Variants in CNTNAP3 observed in about 807,000 individuals in gnomAD.
CNTNAP3 encodes the protein contactin associated protein family member 3, also known as contactin-associated protein-like 3.
A neutral mutation model predicts 92.1 loss-of-function variants in CNTNAP3; 36 were observed. That is an observed-to-expected ratio of 0.39 (90% CI 0.30 to 0.52). The LOEUF (loss-of-function observed/expected upper bound fraction) is 0.52, where lower values mean the gene tolerates loss of function less well. Ranked by LOEUF, CNTNAP3 falls within the 20% of genes least tolerant of loss-of-function variation. The pLI is 0.76. For synonymous variants in CNTNAP3, 232 were observed against 422.3 expected (o/e 0.55, Z 5.53); for missense variants, 534 against 1,069.6 (o/e 0.50, Z 6.98).
At chr9:39,122,211 C>G (rs938989421) in intron 13 of CNTNAP3, among the ~76,000 whole-genome samples, 1 of 152,134 alleles carries the variant, frequency 6.6e-6, no homozygotes, top group Non-Finnish European at 1.5e-5. Flanking sequence ...AAAAATTAGC[C>G]GGGCGTGGTG....
intron 20 of CNTNAP3, 97 bp from the exon 21 acceptor site, chr9:39,085,920 T>A (rs951502756): frequency 1.8e-6 from 2 of 1,134,526 alleles, no homozygotes; most frequent in Non-Finnish European, 2.6e-6. Context: ...TGAAAATAAA[T>A]CACTTTTAAG....
rs1825475195 is a variant in CNTNAP3, at chr9:39,064,756, T to A, written c.*9134A>T. On this transcript the variant is annotated 3_prime_UTR_variant, in exon 24 of 24. Coordinates refer to ENST00000297668, the MANE Select transcript of CNTNAP3 (RefSeq NM_033655.5). ...CATACATAGAACATATAAGAATTTA[T>A]AGAGCAATGAAAATACCACATTTTG... is the stretch of plus-strand genomic sequence containing the variant. Among the ~76,000 whole-genome samples, 12 of 152,276 alleles carry A rather than the reference T, an allele frequency of 7.9e-5. No homozygotes were observed. The highest frequency in any genetic ancestry group is 2.1e-4 in the South Asian group (1 of 4,826).
In CNTNAP3 at chr9:39,118,191, G is replaced by T. The variant is rs1348353139; in HGVS notation, c.2149C>A (p.Pro717Thr). The T allele has an allele frequency of 6.2e-7, 1 of 1,611,650 alleles. No individual in the cohort carries two copies. Among genetic ancestry groups the T allele is most frequent in the South Asian group, 1.1e-5 (1 of 90,834 alleles). Residue 717 changes from proline to threonine, a missense_variant, in exon 14 of 24, where the codon CCT becomes ACT. By Grantham distance (38) the Pro-to-Thr change is conservative. Coordinates refer to ENST00000297668, the MANE Select transcript of CNTNAP3 (RefSeq NM_033655.5). The stretch of plus-strand genomic sequence containing the variant: ...CCACAAGTACACTTTTGAGCATCAG[G>T]CAGAGAACCTCCCCAGGAAGTGTGT... ...ETHTSWGGSL[P>T]DAQKCTCGLE...
intron 20 of CNTNAP3, 171 bp downstream of exon 20, chr9:39,086,545 C>T: frequency 9.4e-6 from 8 of 847,798 alleles, no homozygotes; most frequent in African/African-American, 1.7e-5. Flanking sequence ...ACAGAATAAA[C>T]AACCACCTCC....
chr9:39,130,019 G>A (rs868040916), intron 13 of CNTNAP3, among the ~76,000 whole-genome samples: 4 of 152,276 alleles, frequency 2.6e-5, no homozygotes, highest in Middle Eastern at 3.4e-3. Flanking sequence ...TGAGCATGTG[G>A]AGGAAATGAA....
intron 14 of CNTNAP3, among the ~76,000 whole-genome samples, chr9:39,113,143 A>C (rs1159827286): frequency 2.0e-5 from 3 of 152,104 alleles, no homozygotes; most frequent in Non-Finnish European, 4.4e-5. Context: ...CACTAATATA[A>C]ACAACCTTCC....
intron 11 of CNTNAP3, 132 bp from the exon 12 acceptor site, chr9:39,140,770 A>G: frequency 1.6e-6 from 2 of 1,289,518 alleles, no homozygotes; most frequent in Non-Finnish European, 2.0e-6. Context: ...AGTGTATGAC[A>G]GTATATTTGA....
rs372264148 is a variant in CNTNAP3, at chr9:39,103,793, C to T, written c.2487G>A (p.Val829=). The T allele has an allele frequency of 5.0e-6, 8 of 1,611,136 alleles. No individual in the cohort carries two copies. The highest frequency in any genetic ancestry group is 1.7e-5 in the Admixed American group (1 of 59,968). The change falls in exon 16 of 24, where the codon GTG becomes GTA. Residue 829 remains valine (V), a synonymous_variant. Transcript: ENST00000297668. The part of the protein sequence containing the change: ...FFFKTTVSSG[V]FMENLGITDF... ...CTGTGATCCCCAGGTTCTCCATAAA[C>T]ACCCCGGAGGAAACTGTGGTCTTAA...
Position 39,067,445 on chromosome 9 carries a change from T to C in CNTNAP3, c.*6445A>G, listed in dbSNP as rs1375198591. Among the ~76,000 whole-genome samples the C allele has an allele frequency of 1.3e-5, 2 of 152,298 alleles. No individual in the cohort carries two copies. Among genetic ancestry groups the C allele is most frequent in the Admixed American group, 6.5e-5 (1 of 15,290 alleles). ...TGGAGTCTGGCTCTGTTGCCCAGGCTGGAGTGCAATGGCGCAATCTCGGCC... is the reference window on the plus strand; with the variant it reads ...TGGAGTCTGGCTCTGTTGCCCAGGCCGGAGTGCAATGGCGCAATCTCGGCC... On this transcript the variant is annotated 3_prime_UTR_variant, in exon 24 of 24. Transcript: ENST00000297668.
At chr9:39,131,782 C>A (rs1312067772) in intron 13 of CNTNAP3, among the ~76,000 whole-genome samples, 1 of 151,704 alleles carries the variant, frequency 6.6e-6, no homozygotes, top group Non-Finnish European at 1.5e-5. Context: ...GAGCAAAGAT[C>A]GTGCCACTGC....
At chr9:39,117,846 T>C in intron 14 of CNTNAP3, 1 of 596,132 alleles carries the variant, frequency 1.7e-6, no homozygotes, top group Non-Finnish European at 2.7e-6. Flanking sequence ...TTCCAGTGAG[T>C]GGAAAACTTA....
Position 39,108,239 on chromosome 9 carries a change from C to T in CNTNAP3, c.2365+921G>A, listed in dbSNP as rs1182767479. Among the ~76,000 whole-genome samples the T allele has an allele frequency of 4.6e-5, 7 of 151,794 alleles. No homozygotes were observed. The South Asian group carries it at 6.2e-4, about 14-fold the overall frequency. On this transcript the variant is annotated intron_variant, in intron 15 of 23. Coordinates refer to ENST00000297668, the MANE Select transcript of CNTNAP3 (RefSeq NM_033655.5). ...GATGAGGAGCCCCCAGACAAGGGTC[C>T]GGGACTCCTTCATCAAGCAGGAGAC...
intron 18 of CNTNAP3, among the ~76,000 whole-genome samples, chr9:39,094,089 C>T (rs555561948): frequency 7.9e-4 from 119 of 151,442 alleles, no homozygotes; most frequent in African/African-American, 2.7e-3. Flanking sequence ...AGAGGCAGCT[C>T]ATTATACTTT....
In CNTNAP3 at chr9:39,067,329, C is replaced by T. The variant is rs1341672538; in HGVS notation, c.*6561G>A. On this transcript the variant is annotated 3_prime_UTR_variant, in exon 24 of 24. Transcript: ENST00000297668. Reference sequence around the variant, plus strand: ...TTGATTTTTATCCTCATTATAGGTCCTATTTTTCTGCCTCTTCACACACTT... The same window carrying T: ...TTGATTTTTATCCTCATTATAGGTCTTATTTTTCTGCCTCTTCACACACTT... Among the ~76,000 whole-genome samples the T allele has an allele frequency of 2.6e-3, 396 of 149,714 alleles. No homozygotes were observed. Among genetic ancestry groups the T allele is most frequent in the African/African-American group, 9.5e-3 (373 of 39,094 alleles).
intron 14 of CNTNAP3, among the ~76,000 whole-genome samples, chr9:39,114,055 C>CACACACACAT (rs1468356379): frequency 1.4e-5 from 2 of 144,504 alleles, no homozygotes; most frequent in African/African-American, 5.3e-5. Context: ...CACACACACA[C>CACACACACAT]ATATATATAT....
At chr9:39,161,704 TG>T in intron 9 of CNTNAP3, among the ~76,000 whole-genome samples, 1 of 126,080 alleles carries the variant, frequency 7.9e-6, no homozygotes, top group African/African-American at 3.1e-5. Flanking sequence ...ATAAATTAGC[TG>T]GATGTGGTGG....
chr9:39,135,006 TACTGAGAAGGGA>T (rs1821396776), intron 12 of CNTNAP3, among the ~76,000 whole-genome samples: 1 of 152,190 alleles, frequency 6.6e-6, no homozygotes, highest in African/African-American at 2.4e-5. Context: ...ATGCCCTCAG[TACTGAGAAGGGA>T]ACTGTTCAGA....
intron 18 of CNTNAP3, among the ~76,000 whole-genome samples, chr9:39,091,742 CTCTTT>C (rs1279151579): frequency 1.3e-5 from 2 of 151,800 alleles, no homozygotes; most frequent in South Asian, 4.2e-4. Flanking sequence ...ATGCTCCTTT[CTCTTT>C]TATTTTTTGG....
At position 39,133,110 on chromosome 9, in the gene CNTNAP3, C is replaced by G. The variant is rs771071590; in HGVS notation, c.1902G>C (p.Gln634His). The G allele has an allele frequency of 3.8e-6, 6 of 1,574,100 alleles. No homozygotes were observed. Among genetic ancestry groups the G allele is most frequent in the South Asian group, 2.3e-5 (2 of 86,446 alleles). Residue 634 changes from glutamine to histidine, a missense_variant, in exon 13 of 24, where the codon CAG (glutamine) becomes CAC (histidine). Physicochemically the swap from Gln to His is conservative, Grantham distance 24 (BLOSUM62 0). Coordinates refer to ENST00000297668, the MANE Select transcript of CNTNAP3 (RefSeq NM_033655.5). ...GGGTCACCGCGTCGGGGCCACCGTG[C>G]TGCACCACCGTCCACGCGGCGTCTG... Reference protein sequence around the residue: ...MTADAAWTVVQHGGPDAVTLR... With the variant: ...MTADAAWTVVHHGGPDAVTLR...
Sources: allele counts gnomAD v4.1 joint callset (sites outside exome capture counted in the v4.1 genomes callset), GRCh38; gene constraint gnomAD v4.1.1; transcripts MANE v1.5; gene names NCBI Gene and HGNC (gene_info 2026-07-23, HGNC 2026-07-21).